Variants in HERC2 observed in about 807,000 individuals in gnomAD.
HERC2 encodes HECT and RLD domain containing E3 ubiquitin protein ligase 2, also known as E3 ubiquitin-protein ligase HERC2.
A neutral mutation model predicts 537.7 loss-of-function variants in HERC2; 102 were observed. That is an observed-to-expected ratio of 0.19 (90% CI 0.16 to 0.22). The LOEUF is 0.22. Ranked by LOEUF, HERC2 falls within the 10% of genes least tolerant of loss-of-function variation. HERC2 has a pLI of 1.00. For missense variants in HERC2, 4,236 were observed against 6,198.2 expected (o/e 0.68, Z 10.63); for synonymous variants, 2,224 against 2,466.2 (o/e 0.90, Z 2.91).
chr15:28,201,883 G>A (rs548465884), intron 47 of HERC2, among the ~76,000 whole-genome samples: 2 of 152,278 alleles, frequency 1.3e-5, no homozygotes, highest in Admixed American at 6.5e-5. Context: ...GTTTGAACAA[G>A]GGTCTGTTCT....
rs776432476 is a variant in HERC2 at position 28,256,143 on chromosome 15, G to A, written c.2692C>T (p.Leu898=). The change falls in exon 18 of 93, where the codon CTG becomes TTG. Residue 898 remains leucine (L), a synonymous_variant. Transcript: ENST00000261609. ...CGGGCCCGCTCCTCCGCGGTGGGCA[G>A]CAGCACGGACCAGCCACTCTGCAGC... ...AVLQSGWSVL[L]PTAEERARAL... is the part of the protein sequence containing the mutation. The A allele has an allele frequency of 6.2e-7, 1 of 1,601,496 alleles. No individual in the cohort carries two copies.
intron 17 of HERC2, 142 bp from the exon 18 acceptor site, chr15:28,256,459 T>TA: frequency 1.4e-6 from 1 of 694,536 alleles, no homozygotes; most frequent in Non-Finnish European, 2.4e-6. Flanking sequence ...AAAACTGGAC[T>TA]AAAAAAACTC....
At position 28,142,230 on chromosome 15, in the gene HERC2, T is replaced by C. The variant is rs541758758; in HGVS notation, c.11700+8A>G. ...TCCCAAAAGTGATTCCAAAATATCA[T>C]GCAATACCTCATCAAGAAACAGACG... On this transcript the variant is annotated splice_region_variant and intron_variant, in intron 76 of 92. Transcript: ENST00000261609. The C allele has an allele frequency of 1.9e-6, 3 of 1,613,678 alleles. No homozygotes were observed. Among genetic ancestry groups the C allele is most frequent in the East Asian group, 2.2e-5 (1 of 44,872 alleles).
At chr15:28,182,027 G>C (rs1596147769) in intron 57 of HERC2, among the ~76,000 whole-genome samples, 1 of 152,186 alleles carries the variant, frequency 6.6e-6, no homozygotes, top group Non-Finnish European at 1.5e-5. Flanking sequence ...CGAAGCACCT[G>C]GAGGACAGAG....
At chr15:28,148,645 G>A (rs1039622256) in intron 70 of HERC2, among the ~76,000 whole-genome samples, 1 of 147,038 alleles carries the variant, frequency 6.8e-6, no homozygotes, top group Non-Finnish European at 1.5e-5. Flanking sequence ...AACCGAGAAC[G>A]GCCACACGAA....
Position 28,122,738 on chromosome 15 carries a change from T to C in HERC2, c.13188+1299A>G, listed in dbSNP as rs1279748811. ...GACCAGAACCGAGGCTGCCTACACA[T>C]TCCCTGACCAGAGGTACCTTTCAGA... On this transcript the variant is annotated intron_variant, in intron 85 of 92. Transcript: ENST00000261609. The surrounding 1 kb of genome is among the most constrained non-coding windows in gnomAD (Gnocchi z 4.1). Among the ~76,000 whole-genome samples, 2 of 151,974 alleles carry C rather than the reference T, an allele frequency of 1.3e-5. No homozygotes were observed. Among genetic ancestry groups the C allele is most frequent in the Non-Finnish European group, 2.9e-5 (2 of 67,988 alleles).
intron 84 of HERC2, 143 bp downstream of exon 84, chr15:28,124,860 GTTC>G: frequency 2.4e-6 from 2 of 837,484 alleles, no homozygotes; most frequent in Non-Finnish European, 3.5e-6. Context: ...AAATATCAAG[GTTC>G]TTAAATGCAC....
intron 72 of HERC2, among the ~76,000 whole-genome samples, chr15:28,144,447 A>T (rs1186994629): frequency 6.6e-6 from 1 of 152,200 alleles, no homozygotes; most frequent in Non-Finnish European, 1.5e-5. Context: ...CACCAGCAAC[A>T]ACTCCTTCCA....
At chr15:28,234,640 C>T (rs1183404598) in intron 26 of HERC2, among the ~76,000 whole-genome samples, 6 of 148,684 alleles carry the variant, frequency 4.0e-5, no homozygotes, top group South Asian at 2.3e-4. Context: ...CAAAGGGCAC[C>T]GCTGACACAA....
chr15:28,191,371 G>A, intron 53 of HERC2, 127 bp from the exon 54 acceptor site: 1 of 639,214 alleles, frequency 1.6e-6, no homozygotes, highest in Non-Finnish European at 2.7e-6. Context: ...GCATGAGAGA[G>A]AATTTTCCCT....
rs377475401 is a variant in HERC2, at chr15:28,222,691, A to G, written c.5465-476T>C. ...GGCCCTCGGCTGGAGTCTGGATCTC[A>G]GGAGGGCTCTCCCATTCCCTAGGTA... On this transcript the variant is annotated intron_variant, in intron 35 of 92. Transcript: ENST00000261609. Among the ~76,000 whole-genome samples the G allele has an allele frequency of 5.3e-5, 8 of 151,956 alleles. No homozygotes were observed. In the East Asian group the frequency reaches 1.2e-3, roughly 22 times the overall value.
chr15:28,185,055 G>T (rs910404771), intron 56 of HERC2, among the ~76,000 whole-genome samples: 8 of 148,914 alleles, frequency 5.4e-5, no homozygotes, highest in Admixed American at 3.4e-4. Context: ...CAATCAGTTT[G>T]AACTACAGCA....
intron 56 of HERC2, among the ~76,000 whole-genome samples, chr15:28,183,384 A>T (rs577074589): frequency 1.3e-5 from 2 of 150,850 alleles, no homozygotes; most frequent in Non-Finnish European, 3.0e-5. Flanking sequence ...TAATTTTTGC[A>T]TTTTTTTTTG....
rs1261473725 is a variant in HERC2 at position 28,186,766 on chromosome 15, C to A, written c.8650-14G>T. ...ATACCTGTGATACTAGACACAAAAA[C>A]CATGATCTATAGACTCTGTAGAATC... On this transcript the variant is annotated splice_polypyrimidine_tract_variant and intron_variant, in intron 55 of 92. Transcript: ENST00000261609. 1.9e-6 allele frequency: 3 copies of A among 1,601,598 alleles called. No homozygotes were observed. The highest frequency in any genetic ancestry group is 2.6e-6 in the Non-Finnish European group (3 of 1,169,054).
chr15:28,300,065 A>G (rs2076579354), intron 2 of HERC2, among the ~76,000 whole-genome samples: 1 of 150,734 alleles, frequency 6.6e-6, no homozygotes, highest in African/African-American at 2.4e-5. Flanking sequence ...AAAAAAAAAA[A>G]AAAGAAAAGA....
At position 28,144,122 on chromosome 15, in the gene HERC2, G is replaced by T; in HGVS notation, c.11254C>A (p.Arg3752Ser). The T allele has an allele frequency of 6.2e-7, 1 of 1,614,206 alleles. No homozygotes were observed. The highest frequency in any genetic ancestry group is 8.5e-7 in the Non-Finnish European group (1 of 1,180,052). ...NLASNRSIVP[R>S]LAASLAACAQ... is the part of the protein sequence containing the mutation. ...CAAGCTGCCAGCGAGGCCGCAAGGCGAGGGACGATGCTTCTGTTAGAGGCA... is the reference window on the plus strand; with the variant it reads ...CAAGCTGCCAGCGAGGCCGCAAGGCTAGGGACGATGCTTCTGTTAGAGGCA... Residue 3752 changes from arginine to serine, a missense_variant, in exon 73 of 93, where the codon CGC (arginine) becomes AGC (serine). Physicochemically the swap from Arg to Ser is moderately radical, Grantham distance 110. Transcript: ENST00000261609.
chr15:28,115,158 G>T, intron 89 of HERC2: 1 of 508,274 alleles, frequency 2.0e-6, no homozygotes, highest in East Asian at 3.1e-5. Context: ...CCTGACTCAC[G>T]GCCCCCAGCT....
chr15:28,212,947 C>G (rs1899423764), intron 42 of HERC2: 1 of 235,650 alleles, frequency 4.2e-6, no homozygotes, highest in African/African-American at 2.3e-5. Flanking sequence ...CACGGTGGCT[C>G]ACGCCTGTAA....
chr15:28,124,280 A>C, intron 84 of HERC2, 46 bp from the exon 85 acceptor site: 1 of 1,299,014 alleles, frequency 7.7e-7, no homozygotes, highest in East Asian at 2.7e-5. Flanking sequence ...CCAAAGGCAC[A>C]CGGGGGCCAG....
Sources: allele counts gnomAD v4.1 joint callset (sites outside exome capture counted in the v4.1 genomes callset), GRCh38; gene constraint gnomAD v4.1.1; non-coding constraint Gnocchi (gnomAD v3.1); transcripts MANE v1.5; gene names NCBI Gene and HGNC (gene_info 2026-07-23, HGNC 2026-07-21).